DAB1: variants seen among roughly 807,000 people sequenced by gnomAD.
The protein encoded by DAB1 is disabled homolog 1.
A neutral mutation model predicts 64.6 loss-of-function variants in DAB1; 15 were observed. The ratio of observed to expected loss-of-function variants is 0.23; its 90% confidence interval spans 0.16 to 0.36. DAB1 has a LOEUF of 0.36. Among genes scored for constraint, DAB1 ranks in the 10% least tolerant of loss-of-function variants. The pLI is 1.00. For missense variants in DAB1, 596 were observed against 706.7 expected (o/e 0.84, Z 1.78); for synonymous variants, 235 against 251.9 (o/e 0.93, Z 0.64).
At chr1:58,518,188 AAGAAAAG>A (rs1434826621) in intron 2 of DAB1, among the ~76,000 whole-genome samples, 2 of 95,348 alleles carry the variant, frequency 2.1e-5, no homozygotes, top group South Asian at 4.5e-4. Context: ...TTCTGTCAGA[AAGAAAAG>A]AGGAGAGGGG....
upstream of DAB1, among the ~76,000 whole-genome samples, chr1:57,887,969 A>T (rs145882355): frequency 6.6e-6 from 1 of 152,282 alleles, no homozygotes; most frequent in East Asian, 1.9e-4. Context: ...CATCACCAGA[A>T]TGTCTGACAA....
chr1:57,567,742 G>T (rs1325617130), intron 7 of DAB1, among the ~76,000 whole-genome samples: 4 of 152,172 alleles, frequency 2.6e-5, no homozygotes, highest in African/African-American at 9.7e-5. Flanking sequence ...CCTCTTCAAG[G>T]AGAACTACAA....
At chr1:57,770,640 T>A (rs1649517579) in intron 6 of DAB1, among the ~76,000 whole-genome samples, 1 of 152,126 alleles carries the variant, frequency 6.6e-6, no homozygotes, top group Non-Finnish European at 1.5e-5. Context: ...TAAGGATAAC[T>A]CAAAAATCAG....
At chr1:57,110,739 T>G (rs1655579825) in intron 4 of DAB1, among the ~76,000 whole-genome samples, 1 of 152,152 alleles carries the variant, frequency 6.6e-6, no homozygotes, top group East Asian at 1.9e-4. Flanking sequence ...TATTGACTCC[T>G]TGCTATAAAC....
Position 57,048,178 on chromosome 1 carries a change from T to TA in DAB1, c.723+14705dup, listed in dbSNP as rs553036561. On this transcript the variant is annotated intron_variant, in intron 9 of 14. Transcript: ENST00000371236. ...GGTCCCACCGCTGGTAAGTAAGGGA[T>TA]AAAAATTTCAAGCCCAAATAGTCAG... Among the ~76,000 whole-genome samples the TA allele has an allele frequency of 3.3e-4, 50 of 152,294 alleles. No individual in the cohort carries two copies. The East Asian group carries it at 9.5e-3, about 29-fold the overall frequency.
rs552616899 is a variant in DAB1 at position 57,596,470 on chromosome 1, T to C, written n.625+53122A>G. 5.3e-5 allele frequency among the ~76,000 whole-genome samples: 8 copies of C among 151,766 alleles called. 1 individual carries two copies. In the South Asian group the frequency reaches 1.5e-3, roughly 28 times the overall value. ...TATTATTATGTGTTTAATGGCTGTC[T>C]CTATTTATGCATCCATTTATGGATT... is the stretch of plus-strand genomic sequence containing the variant. On this transcript the variant is annotated intron_variant and non_coding_transcript_variant, in intron 7 of 20. Transcript: ENST00000485760.
At chr1:58,019,948 A>G (rs1348939192) in intron 5 of DAB1, among the ~76,000 whole-genome samples, 3 of 152,214 alleles carry the variant, frequency 2.0e-5, no homozygotes, top group Non-Finnish European at 4.4e-5. Context: ...CTCCCAGAGA[A>G]GCTGCAAAAT....
At chr1:57,610,789 G>A (rs1645716412) in intron 7 of DAB1, among the ~76,000 whole-genome samples, 1 of 152,148 alleles carries the variant, frequency 6.6e-6, no homozygotes, top group South Asian at 2.1e-4. Context: ...CCACCCCCAT[G>A]ATCAATTCAC....
intron 1 of DAB1, chr1:58,527,477 C>T (rs1401657817): frequency 3.5e-6 from 2 of 579,192 alleles, no homozygotes; most frequent in Non-Finnish European, 6.2e-6. Context: ...AAAATAACTC[C>T]ATGATATAAA....
At chr1:58,394,048 C>T (rs769021852) in intron 3 of DAB1, among the ~76,000 whole-genome samples, 1 of 152,044 alleles carries the variant, frequency 6.6e-6, no homozygotes, top group South Asian at 2.1e-4. Context: ...ATACTTGTAA[C>T]TCAGTAATAA....
In DAB1 at chr1:57,542,192, T is replaced by C. The variant is rs186220957; in HGVS notation, n.625+107400A>G. On this transcript the variant is annotated intron_variant and non_coding_transcript_variant, in intron 7 of 20. Coordinates refer to the DAB1 transcript ENST00000485760. ...TGGGAGTATAATAAATGTTACACTTTTATTCATAAGTGTTGTTTATCTTCC... is the reference window on the plus strand; with the variant it reads ...TGGGAGTATAATAAATGTTACACTTCTATTCATAAGTGTTGTTTATCTTCC... Among the ~76,000 whole-genome samples the C allele has an allele frequency of 4.6e-5, 7 of 152,208 alleles. No homozygotes were observed. The East Asian group carries it at 1.4e-3, about 29-fold the overall frequency.
intron 2 of DAB1, among the ~76,000 whole-genome samples, chr1:57,248,857 G>A (rs934472008): frequency 1.1e-4 from 16 of 152,180 alleles, no homozygotes; most frequent in South Asian, 4.2e-4. Flanking sequence ...TGAATCTTTT[G>A]CTAGCATTTT....
chr1:57,031,003 T>C (rs1486160652), intron 9 of DAB1, among the ~76,000 whole-genome samples: 1 of 152,208 alleles, frequency 6.6e-6, no homozygotes, highest in Non-Finnish European at 1.5e-5. Flanking sequence ...TGGCATACTT[T>C]TACTAACATC....
chr1:57,899,041 A>G (rs1274651466), intron 5 of DAB1, among the ~76,000 whole-genome samples: 1 of 151,890 alleles, frequency 6.6e-6, no homozygotes, highest in Non-Finnish European at 1.5e-5. Context: ...AACCTAAAGA[A>G]CATTTACTTT....
At chr1:57,022,327 G>A (rs1249251597) in intron 11 of DAB1, among the ~76,000 whole-genome samples, 1 of 152,210 alleles carries the variant, frequency 6.6e-6, no homozygotes, top group African/African-American at 2.4e-5. Context: ...AAAATGGCAT[G>A]TGCCATTATA....
intron 1 of DAB1, among the ~76,000 whole-genome samples, chr1:57,375,933 G>A (rs1558265588): frequency 6.6e-6 from 1 of 152,146 alleles, no homozygotes; most frequent in South Asian, 2.1e-4. Context: ...GATGAATCGA[G>A]CATGGTTCCT....
chr1:57,430,286 C>T (rs1235241439), intron 7 of DAB1, among the ~76,000 whole-genome samples: 1 of 152,130 alleles, frequency 6.6e-6, no homozygotes, highest in Non-Finnish European at 1.5e-5. Flanking sequence ...AATTATTACA[C>T]AGCCCACAAT....
At position 57,930,559 on chromosome 1, in the gene DAB1, G is replaced by A. The variant is rs75297168; in HGVS notation, n.388-46397C>T. Among the ~76,000 whole-genome samples the A allele has an allele frequency of 1.5e-3, 227 of 152,234 alleles. 1 individual carries two copies. Among genetic ancestry groups the A allele is most frequent in the African/African-American group, 5.2e-3 (215 of 41,560 alleles). On this transcript the variant is annotated intron_variant and non_coding_transcript_variant, in intron 5 of 20. Transcript: ENST00000485760. ...TTACTCTTTGATTTCTTTCATCAGA[G>A]TTTTATAGTTTTTCTTATATAGATT...
intron 1 of DAB1, among the ~76,000 whole-genome samples, chr1:58,542,989 T>TA (rs1366118230): frequency 2.7e-5 from 4 of 149,108 alleles, no homozygotes; most frequent in Non-Finnish European, 6.0e-5. Flanking sequence ...AAAAGCTTTT[T>TA]TAAAAAAAAA....
Sources: allele counts gnomAD v4.1 joint callset (sites outside exome capture counted in the v4.1 genomes callset), GRCh38; gene constraint gnomAD v4.1.1; transcripts MANE v1.5; gene names NCBI Gene and HGNC (gene_info 2026-07-23, HGNC 2026-07-21).